Variants in SHISA9 observed in about 807,000 individuals in gnomAD.
SHISA9 encodes shisa family member 9.
A neutral mutation model predicts 38.0 loss-of-function variants in SHISA9; 13 were observed. The ratio of observed to expected loss-of-function variants is 0.34; its 90% CI spans 0.22 to 0.54. The LOEUF (loss-of-function observed/expected upper bound fraction) is 0.54. Ranked by LOEUF, SHISA9 falls within the 20% of genes least tolerant of loss-of-function variation. The pLI is 0.91. For synonymous variants in SHISA9, 275 were observed against 242.0 expected (o/e 1.14, Z -1.27); for missense variants, 538 against 575.8 (o/e 0.93, Z 0.67).
intron 2 of SHISA9, among the ~76,000 whole-genome samples, chr16:12,939,043 T>G (rs1031923295): frequency 2.0e-5 from 3 of 147,382 alleles, no homozygotes; most frequent in South Asian, 4.2e-4. Flanking sequence ...AGTAGTTTCA[T>G]CTCTTCTCTC....
the SHISA9 span, among the ~76,000 whole-genome samples, chr16:13,313,469 G>A: frequency 3.9e-5 from 6 of 152,208 alleles, no homozygotes; most frequent in East Asian, 1.2e-3. Context: ...CTGAAGTAGA[G>A]ACATCTAGAA....
rs545444209 is a variant in SHISA9, at chr16:13,100,939, G to A, written c.692-102455G>A. 8.7e-4 allele frequency among the ~76,000 whole-genome samples: 133 copies of A among 152,196 alleles called. 1 individual carries two copies. Among genetic ancestry groups the A allele is most frequent in the Middle Eastern group, 6.8e-3 (2 of 294 alleles). ...TCAAACTCCTGACCTCAGGTGATCTGCCCACCTCGGTCTCCCGAAGTGCTG... is the reference window on the plus strand; with the variant it reads ...TCAAACTCCTGACCTCAGGTGATCTACCCACCTCGGTCTCCCGAAGTGCTG... On this transcript the variant is annotated intron_variant, in intron 2 of 4. Coordinates refer to ENST00000558583, the MANE Select transcript of SHISA9 (RefSeq NM_001145204.3).
intron 2 of SHISA9, among the ~76,000 whole-genome samples, chr16:12,917,553 G>T (rs1016350587): frequency 6.6e-6 from 1 of 152,132 alleles, no homozygotes. Flanking sequence ...TCCTTTCAAA[G>T]GTCTGTATAT....
At chr16:12,928,110 C>T (rs1021535455) in intron 2 of SHISA9, among the ~76,000 whole-genome samples, 2 of 152,056 alleles carry the variant, frequency 1.3e-5, no homozygotes, top group African/African-American at 4.8e-5. Flanking sequence ...AAAGACAAAG[C>T]CTAAGTTAAA....
At chr16:13,430,931 A>AAG in the SHISA9 span, among the ~76,000 whole-genome samples, 1 of 151,410 alleles carries the variant, frequency 6.6e-6, no homozygotes, top group Admixed American at 6.6e-5. Flanking sequence ...GAAAAAAAAA[A>AAG]AAAGAAAGAT....
rs1463851792 is a variant in SHISA9 at position 13,091,770 on chromosome 16, T to G, written c.692-111624T>G. Among the ~76,000 whole-genome samples, 16 of 152,368 alleles carry G rather than the reference T, an allele frequency of 1.1e-4. No homozygotes were observed. The East Asian group carries it at 3.1e-3, about 29-fold the overall frequency. On this transcript the variant is annotated intron_variant, in intron 2 of 4. Transcript: ENST00000558583. ...CATCCTCCTTTAGCTCGGAGAAGTT[T>G]GTTACTACCGACCTTCTGAAGCCTA...
chr16:13,187,582 AC>A (rs1177845615), intron 2 of SHISA9, among the ~76,000 whole-genome samples: 3 of 151,294 alleles, frequency 2.0e-5, no homozygotes, highest in Admixed American at 1.3e-4. Flanking sequence ...TGATCCACCC[AC>A]CCCTGCCTCC....
At chr16:13,015,737 G>T (rs72782702) in intron 2 of SHISA9, among the ~76,000 whole-genome samples, 30,283 of 151,750 alleles carry the variant, frequency 0.2, 4,080 homozygotes, top group Middle Eastern at 0.31. Context: ...AAGGTTTCCG[G>T]AGTAGCTGAT....
chr16:13,286,913 T>A, the SHISA9 span, among the ~76,000 whole-genome samples: 25 of 152,332 alleles, frequency 1.6e-4, no homozygotes, highest in Non-Finnish European at 1.0e-4. Flanking sequence ...CTTATTTTTT[T>A]ATTAAGAACT....
chr16:13,139,216 C>T (rs927435340), intron 2 of SHISA9, among the ~76,000 whole-genome samples: 5 of 151,696 alleles, frequency 3.3e-5, no homozygotes, highest in Admixed American at 6.6e-5. Context: ...TCCCTCCCTT[C>T]CCTCACTCCC....
intron 2 of SHISA9, among the ~76,000 whole-genome samples, chr16:12,989,329 C>T (rs541432315): frequency 1.3e-5 from 2 of 151,982 alleles, no homozygotes; most frequent in Admixed American, 6.6e-5. Flanking sequence ...AGGTGTGCAC[C>T]ACCCTGCCTG....
At chr16:13,453,028 C>T in the SHISA9 span, among the ~76,000 whole-genome samples, 1 of 151,958 alleles carries the variant, frequency 6.6e-6, no homozygotes, top group African/African-American at 2.4e-5. Context: ...CCTACCTCAG[C>T]CTCCCGAGTA....
the SHISA9 span, among the ~76,000 whole-genome samples, chr16:13,333,095 G>T: frequency 2.6e-5 from 4 of 152,350 alleles, no homozygotes; most frequent in East Asian, 3.9e-4. Context: ...GGAGAAGGGG[G>T]AAAGGGAATG....
the SHISA9 span, among the ~76,000 whole-genome samples, chr16:13,376,713 A>C: frequency 6.6e-6 from 1 of 152,002 alleles, no homozygotes; most frequent in Non-Finnish European, 1.5e-5. Context: ...ATCTTTTTGG[A>C]GACAGGGTCT....
chr16:13,190,681 G>C (rs1433794658), intron 2 of SHISA9, among the ~76,000 whole-genome samples: 1 of 152,138 alleles, frequency 6.6e-6, no homozygotes, highest in Non-Finnish European at 1.5e-5. Context: ...ACCCTAGACT[G>C]TTATCTATTT....
the SHISA9 span, among the ~76,000 whole-genome samples, chr16:13,385,437 C>T: frequency 1.3e-5 from 2 of 151,930 alleles, no homozygotes; most frequent in Non-Finnish European, 2.9e-5. Flanking sequence ...GTGGTATATC[C>T]ATACCATGAA....
the SHISA9 span, among the ~76,000 whole-genome samples, chr16:13,357,760 G>A: frequency 7.9e-5 from 12 of 151,978 alleles, no homozygotes; most frequent in Non-Finnish European, 1.6e-4. Flanking sequence ...TTGTTCTCTG[G>A]CGGGTAGGAG....
chr16:13,411,621 G>A, the SHISA9 span, among the ~76,000 whole-genome samples: 707 of 152,264 alleles, frequency 4.6e-3, 9 homozygotes, highest in African/African-American at 0.016. Context: ...CATTTTCATC[G>A]GCAAGGATGC....
At chr16:13,413,905 A>G in the SHISA9 span, among the ~76,000 whole-genome samples, 1 of 152,154 alleles carries the variant, frequency 6.6e-6, no homozygotes. Flanking sequence ...TGAGACTTCT[A>G]AGTTAAACGT....
Sources: gnomAD v4.1 joint callset for allele counts (sites outside exome capture counted in the v4.1 genomes callset) on GRCh38, gnomAD v4.1.1 for gene constraint, MANE v1.5 for transcripts, NCBI Gene and HGNC (gene_info 2026-07-23, HGNC 2026-07-21) for gene names.